The following STARD7 variants were observed in gnomAD, a reference collection of about 807,000 sequenced individuals.
The protein encoded by STARD7 is StAR related lipid transfer domain containing 7.
In STARD7, 30 loss-of-function variants were observed where a neutral mutation model predicts 45.3. The observed-to-expected ratio is 0.66, with a 90% CI of 0.50 to 0.90. STARD7 has a LOEUF of 0.90. Ranked by LOEUF, STARD7 falls within the 40% of genes least tolerant of loss-of-function variation. The pLI is 0.00. For synonymous variants in STARD7, 199 were observed against 183.0 expected, an observed-to-expected ratio of 1.09 and a Z score of -0.70; for missense variants, 495 against 491.3, an observed-to-expected ratio of 1.01 and a Z score of -0.07.
intron 6 of STARD7, among the ~76,000 whole-genome samples, chr2:96,189,323 G>A (rs1271557200): frequency 6.6e-6 from 1 of 152,112 alleles, no homozygotes; most frequent in Non-Finnish European, 1.5e-5. Flanking sequence ...TGCTGGGGAA[G>A]GAAGCTTCAC....
In STARD7 at chr2:96,195,529, C is replaced by T. The variant is rs1244137302; in HGVS notation, c.311G>A (p.Arg104Gln). The T allele has an allele frequency of 1.2e-5, 20 of 1,613,154 alleles. No individual in the cohort carries two copies. Among genetic ancestry groups the T allele is most frequent in the African/African-American group, 4.0e-5 (3 of 74,854 alleles). Residue 104 changes from arginine (R) to glutamine (Q), a missense_variant, in exon 2 of 8, where the codon CGG (arginine) becomes CAG (glutamine). This residue lies in a region of STARD7 where 282 missense variants were observed against 220.1 expected (regional missense o/e 1.28). Transcript: ENST00000337288. Reference sequence around the variant, plus strand: ...AAACATATTTGACATTTCTTCCAACCGCTTCATCTCATTAATAGATCTGTA... The same window carrying T: ...AAACATATTTGACATTTCTTCCAACTGCTTCATCTCATTAATAGATCTGTA... ...ELQRSINEMKRLEEMSNMFQS... is the reference protein window; with the variant it reads ...ELQRSINEMKQLEEMSNMFQS...
chr2:96,195,330 A>C lies in STARD7; in HGVS notation c.499+11T>G. 6.4e-7 allele frequency: 1 copy of C among 1,557,476 alleles called. No individual in the cohort carries two copies. The highest frequency in any genetic ancestry group is 1.2e-5 in the South Asian group (1 of 84,618). ...ACTATGGAACCCAAAAGATAGCCAC[A>C]CTGGGCTCACCTCGGTACTGGTAAA... On this transcript the variant is annotated intron_variant, in intron 2 of 7. Transcript: ENST00000337288.
intron 1 of STARD7, among the ~76,000 whole-genome samples, chr2:96,199,778 C>T (rs1358825672): frequency 6.6e-6 from 1 of 152,198 alleles, no homozygotes; most frequent in African/African-American, 2.4e-5. Context: ...ATTAACTACA[C>T]TGTTAGCTAT....
intron 1 of STARD7, among the ~76,000 whole-genome samples, chr2:96,201,774 G>A (rs1053088719): frequency 2.0e-5 from 3 of 152,108 alleles, no homozygotes; most frequent in African/African-American, 7.2e-5. Flanking sequence ...CTCCAGCCTG[G>A]GTGAGAGTGA....
At chr2:96,187,108 A>G in intron 7 of STARD7, 109 bp downstream of exon 7, 1 of 1,007,108 alleles carries the variant, frequency 9.9e-7, no homozygotes, top group African/African-American at 1.6e-5. Flanking sequence ...GTCTCAGAAA[A>G]AAAAAAAAAA....
At chr2:96,195,611 A>C (rs1245971539) in intron 1 of STARD7, 62 bp from the exon 2 acceptor site, 9 of 1,328,602 alleles carry the variant, frequency 6.8e-6, no homozygotes, top group Non-Finnish European at 9.6e-6. Context: ...TGAAGTGTCC[A>C]CACAAAGGTC....
At chr2:96,193,201 C>T (rs1260312343) in intron 4 of STARD7, 41 bp from the exon 5 acceptor site, 7 of 1,598,070 alleles carry the variant, frequency 4.4e-6, no homozygotes, top group Non-Finnish European at 6.0e-6. Flanking sequence ...CTGCATCACA[C>T]AAACCTGGAC....
rs933705162 is a variant in STARD7, at chr2:96,208,293, G to A, written c.142C>T (p.Leu48Phe). 4.3e-6 allele frequency: 7 copies of A among 1,610,038 alleles called. No individual in the cohort carries two copies. In the African/African-American group the frequency reaches 6.7e-5, roughly 15 times the overall value. Residue 48 changes from leucine to phenylalanine, a missense_variant, in exon 1 of 8, where the codon CTC becomes TTC. Around this residue, in one of 2 missense-constraint regions of STARD7, gnomAD observed 282 missense variants for 220.1 expected, o/e 1.28. Coordinates refer to ENST00000337288, the MANE Select transcript of STARD7 (RefSeq NM_020151.4). ...AQQIAQLYGR[L>F]YSESSRRVLL... is the part of the protein sequence containing the mutation. Reference sequence around the variant, plus strand: ...ACGCGGCGTGAGCTCTCGGAGTAGAGGCGGCCGTAGAGCTGCGCGATCTGC... The same window carrying A: ...ACGCGGCGTGAGCTCTCGGAGTAGAAGCGGCCGTAGAGCTGCGCGATCTGC...
intron 6 of STARD7, among the ~76,000 whole-genome samples, chr2:96,190,694 T>C (rs1462716983): frequency 4.6e-5 from 7 of 152,014 alleles, no homozygotes; most frequent in Non-Finnish European, 8.8e-5. Flanking sequence ...CAGGCTGGCA[T>C]GCAGTGGCAC....
intron 5 of STARD7, among the ~76,000 whole-genome samples, chr2:96,192,856 A>G (rs1683146176): frequency 6.6e-6 from 1 of 152,220 alleles, no homozygotes; most frequent in Non-Finnish European, 1.5e-5. Context: ...TTTGATTACC[A>G]ACATTAAAGA....
intron 3 of STARD7, among the ~76,000 whole-genome samples, chr2:96,194,642 G>C (rs2104183836): frequency 6.6e-6 from 1 of 152,296 alleles, no homozygotes; most frequent in East Asian, 1.9e-4. Context: ...AAAGGACTAT[G>C]ATGTATGTAA....
intron 1 of STARD7, among the ~76,000 whole-genome samples, chr2:96,204,100 A>C (rs1342993618): frequency 6.6e-6 from 1 of 151,242 alleles, no homozygotes; most frequent in South Asian, 2.1e-4. Flanking sequence ...CTCCACTAAA[A>C]ATACAAAAAT....
rs1683456941 is a variant in STARD7 at position 96,208,795 on chromosome 2, C to T, written c.-361G>A. 5.0e-6 allele frequency: 2 copies of T among 403,098 alleles called. No homozygotes were observed. The highest frequency in any genetic ancestry group is 8.8e-6 in the Non-Finnish European group (2 of 227,252). The allele number at this position is 403,098 out of a possible 1,614,324, so 25.0% of individuals were successfully genotyped here. On this transcript the variant is annotated 5_prime_UTR_variant, in exon 1 of 8. Transcript: ENST00000337288. ...GAGACAGACAGCTCAGGCCCAGCAG[C>T]ACGCAAGCTCCCGCGCCTTCCGCGA...
rs1237305330 is a variant in STARD7 at position 96,208,532 on chromosome 2, C to T, written c.-98G>A. The T allele has an allele frequency of 8.9e-7, 1 of 1,121,130 alleles. No homozygotes were observed. Among genetic ancestry groups the T allele is most frequent in the Non-Finnish European group, 1.2e-6 (1 of 854,692 alleles). The allele number at this position is 1,121,130 out of a possible 1,614,324, so 69.4% of individuals were successfully genotyped here. A position where few individuals can be genotyped will look rare whatever the true frequency, so the allele number is the denominator to read the frequency against. On this transcript the variant is annotated 5_prime_UTR_variant, in exon 1 of 8. It introduces an in-frame stop codon into an upstream open reading frame of the 5' UTR. Coordinates refer to ENST00000337288, the MANE Select transcript of STARD7 (RefSeq NM_020151.4). ...CGCAGCGTCCCCCTAAATGGCCGGC[C>T]ACGAACCCGTCTCACGGTCCCGCGG...
intron 6 of STARD7, among the ~76,000 whole-genome samples, chr2:96,188,656 G>A (rs1683075446): frequency 6.6e-6 from 1 of 151,586 alleles, no homozygotes; most frequent in Admixed American, 6.6e-5. Flanking sequence ...GGCTGAGGCA[G>A]ATGGATCACC....
chr2:96,190,690 G>C (rs1683113080), intron 6 of STARD7, among the ~76,000 whole-genome samples: 1 of 151,478 alleles, frequency 6.6e-6, no homozygotes, highest in African/African-American at 2.4e-5. Context: ...TGCCCAGGCT[G>C]GCATGCAGTG....
chr2:96,208,138 C>G lies in STARD7; in HGVS notation c.290+7G>C, dbSNP rs372398129. 1 of 1,545,640 alleles carries G rather than the reference C, an allele frequency of 6.5e-7. No homozygotes were observed. Among genetic ancestry groups the G allele is most frequent in the Non-Finnish European group, 8.7e-7 (1 of 1,146,732 alleles). On this transcript the variant is annotated splice_region_variant and intron_variant, in intron 1 of 7. Transcript: ENST00000337288. Reference sequence around the variant, plus strand: ...ACGGCCCAGAAAGAGCTCGCCGCAGCGCCCACCTCTGCAACTCCTCCTCCT... The same window carrying G: ...ACGGCCCAGAAAGAGCTCGCCGCAGGGCCCACCTCTGCAACTCCTCCTCCT...
In STARD7 at chr2:96,186,681, G is replaced by A; in HGVS notation, c.*49C>T. ...CCCCTTCTACAGCAGAGTGATAACGGACTGAGACAGGGCTAGAAGCACCTT... is the reference window on the plus strand; with the variant it reads ...CCCCTTCTACAGCAGAGTGATAACGAACTGAGACAGGGCTAGAAGCACCTT... On this transcript the variant is annotated 3_prime_UTR_variant, in exon 8 of 8. Transcript: ENST00000337288. 3 of 1,460,294 alleles carry A rather than the reference G, an allele frequency of 2.1e-6. No homozygotes were observed. Among genetic ancestry groups the A allele is most frequent in the Non-Finnish European group, 2.8e-6 (3 of 1,076,234 alleles). 90.5% of individuals were successfully genotyped at this position (1,460,294 alleles called of 1,614,324 possible).
At chr2:96,196,130 CA>C (rs1227881018) in intron 1 of STARD7, among the ~76,000 whole-genome samples, 1 of 137,432 alleles carries the variant, frequency 7.3e-6, no homozygotes, top group Admixed American at 7.4e-5. Flanking sequence ...AAAAAAAAAA[CA>C]AAAAACAAAA....
Sources: allele counts gnomAD v4.1 joint callset (sites outside exome capture counted in the v4.1 genomes callset), GRCh38; gene constraint gnomAD v4.1.1; regional missense constraint gnomAD v4.1.1; transcripts MANE v1.5; gene names NCBI Gene and HGNC (gene_info 2026-07-23, HGNC 2026-07-21).